The following SLC41A1 variants were observed in gnomAD, a reference collection of about 807,000 sequenced individuals.
SLC41A1 encodes the protein solute carrier family 41 member 1.
SLC41A1 carries 20 observed loss-of-function variants against 47.3 expected under a neutral mutation model. That is an observed-to-expected ratio of 0.42 (90% CI 0.30 to 0.61). SLC41A1 has a LOEUF of 0.61. Ranked by LOEUF, SLC41A1 falls within the 20% of genes least tolerant of loss-of-function variation. The pLI is 0.17. For synonymous variants in SLC41A1, 282 were observed against 272.7 expected (o/e 1.03, Z -0.34); for missense variants, 504 against 674.1 (o/e 0.75, Z 2.79).
At chr1:205,799,523 ACT>A (rs1219268506) in intron 4 of SLC41A1, among the ~76,000 whole-genome samples, 1 of 151,900 alleles carries the variant, frequency 6.6e-6, no homozygotes, top group African/African-American at 2.4e-5. Context: ...ATCTGCTGGG[ACT>A]CAAAGGCACG....
At chr1:205,801,947 G>T (rs1655890350) in intron 2 of SLC41A1, among the ~76,000 whole-genome samples, 1 of 152,224 alleles carries the variant, frequency 6.6e-6, no homozygotes, top group Non-Finnish European at 1.5e-5. Flanking sequence ...CTGGGGTTCA[G>T]ACAGTATTCC....
chr1:205,790,055 A>C lies in SLC41A1; in HGVS notation c.*1478T>G, dbSNP rs1210732483. On this transcript the variant is annotated 3_prime_UTR_variant, in exon 11 of 11. Transcript: ENST00000367137. ...TTGGGTGCTTGGTAAGGAGAGGTGG[A>C]GGGAAGGGAATGTGAGGAAGGGTCG... The C allele has an allele frequency of 6.6e-6, 1 of 152,278 alleles. No individual in the cohort carries two copies. Among genetic ancestry groups the C allele is most frequent in the African/African-American group, 2.4e-5 (1 of 41,428 alleles). The allele number at this position is 152,278 out of a possible 1,614,324, so 9.4% of individuals were successfully genotyped here.
intron 1 of SLC41A1, among the ~76,000 whole-genome samples, chr1:205,812,586 C>T (rs1656183281): frequency 6.6e-6 from 1 of 152,234 alleles, no homozygotes; most frequent in Non-Finnish European, 1.5e-5. Flanking sequence ...AGGCCTAAGG[C>T]CCTGGGACGA....
At chr1:205,804,207 C>T (rs1422538011) in intron 2 of SLC41A1, among the ~76,000 whole-genome samples, 1 of 152,174 alleles carries the variant, frequency 6.6e-6, no homozygotes, top group Admixed American at 6.5e-5. Flanking sequence ...CCAGGAGAGG[C>T]TGGGCGCTGG....
Position 205,813,124 on chromosome 1 carries a change from C to T in SLC41A1, c.-963G>A. On this transcript the variant is annotated 5_prime_UTR_variant, in exon 1 of 11. Transcript: ENST00000367137. ...GGACCGGGGAGCCGAGCTCACGCGC[C>T]CCCAATCGCTTCTTGCCCGCGGACT... 1 of 985,574 alleles carries T rather than the reference C, an allele frequency of 1.0e-6. No individual in the cohort carries two copies. The highest frequency in any genetic ancestry group is 1.2e-6 in the Non-Finnish European group (1 of 830,048). The allele number at this position is 985,574 out of a possible 1,614,324, so 61.1% of individuals were successfully genotyped here.
At chr1:205,798,199 C>A (rs1481932816) in intron 6 of SLC41A1, 148 bp from the exon 7 acceptor site, 4 of 1,273,408 alleles carry the variant, frequency 3.1e-6, no homozygotes, top group Non-Finnish European at 4.5e-6. Context: ...TCTTCACTGG[C>A]AGCTCAGGAG....
Position 205,810,671 on chromosome 1 carries a change from C to A in SLC41A1, c.-230G>T. 4.9e-6 allele frequency: 3 copies of A among 612,884 alleles called. No homozygotes were observed. The highest frequency in any genetic ancestry group is 8.5e-6 in the Non-Finnish European group (3 of 353,412). The allele number at this position is 612,884 out of a possible 1,614,324, so 38.0% of individuals were successfully genotyped here. A position where few individuals can be genotyped will look rare whatever the true frequency, so the allele number is the denominator to read the frequency against. ...CTGGGAAGAAACAAGAAATTCCTCA[C>A]CAGACAGCCACTAGGGGTGCAGATG... is the stretch of plus-strand genomic sequence containing the variant. On this transcript the variant is annotated 5_prime_UTR_variant, in exon 2 of 11. Transcript: ENST00000367137. The surrounding 1 kb of genome is among the most constrained non-coding windows in gnomAD (Gnocchi z 5.5).
At chr1:205,811,303 C>A (rs1656149585) in intron 1 of SLC41A1, among the ~76,000 whole-genome samples, 1 of 152,162 alleles carries the variant, frequency 6.6e-6, no homozygotes, top group African/African-American at 2.4e-5. Flanking sequence ...CCACCAGCAA[C>A]CCTCCTGAGG....
In SLC41A1 at chr1:205,789,620, G is replaced by T. The variant is rs1037534020; in HGVS notation, c.*1913C>A. ...GGAGGAGGAAAAACAAGCCCAGGCT[G>T]GTGTTAATGAATTCTGTTGGACACA... On this transcript the variant is annotated 3_prime_UTR_variant, in exon 11 of 11. Transcript: ENST00000367137. 1 of 152,244 alleles carries T rather than the reference G, an allele frequency of 6.6e-6. No homozygotes were observed. The highest frequency in any genetic ancestry group is 1.5e-5 in the Non-Finnish European group (1 of 68,068). 9.4% of individuals were successfully genotyped at this position (152,244 alleles called of 1,614,324 possible).
At chr1:205,811,236 C>T (rs1656148050) in intron 1 of SLC41A1, 149 bp from the exon 2 acceptor site, 1 of 152,534 alleles carries the variant, frequency 6.6e-6, no homozygotes, top group Non-Finnish European at 1.5e-5. Flanking sequence ...GCAAAAATTA[C>T]TCAGTCCTGC....
Position 205,798,751 on chromosome 1 carries a change from G to T in SLC41A1, c.762C>A (p.Ala254=). ...CGCCCAGGCTGGCAGCAATGGGTGT[G>T]GCCACGTTGTCTGGGTTGATCCCAA... The part of the protein sequence containing the change: ...RKIGINPDNV[A]TPIAASLGDL... The change falls in exon 6 of 11, where the codon GCC becomes GCA. Residue 254 remains alanine, a synonymous_variant. Coordinates refer to ENST00000367137, the MANE Select transcript of SLC41A1 (RefSeq NM_173854.6). The T allele has an allele frequency of 6.2e-7, 1 of 1,614,110 alleles. No homozygotes were observed. The highest frequency in any genetic ancestry group is 8.5e-7 in the Non-Finnish European group (1 of 1,180,024).
At chr1:205,801,107 G>A (rs369752233) in intron 2 of SLC41A1, 47 bp from the exon 3 acceptor site, 26 of 1,502,374 alleles carry the variant, frequency 1.7e-5, no homozygotes, top group Middle Eastern at 1.7e-4. Flanking sequence ...CCCAAAGGGC[G>A]GGCATTGAGG....
chr1:205,806,409 A>G (rs993339990), intron 2 of SLC41A1, among the ~76,000 whole-genome samples: 4 of 152,182 alleles, frequency 2.6e-5, no homozygotes, highest in African/African-American at 9.7e-5. Context: ...TTTGTTCAAG[A>G]TCCTTAGCAG....
intron 2 of SLC41A1, among the ~76,000 whole-genome samples, chr1:205,808,121 A>AT (rs1185997060): frequency 4.6e-5 from 7 of 152,072 alleles, no homozygotes; most frequent in Non-Finnish European, 7.4e-5. Context: ...TGCCCAGCTA[A>AT]TTTTTTGTAT....
Position 205,798,752 on chromosome 1 carries a change from G to A in SLC41A1, c.761C>T (p.Ala254Val). The change falls in exon 6 of 11, where the codon GCC (alanine) becomes GTC (valine). Residue 254 changes from alanine to valine, a missense_variant. Ala to Val is a moderately conservative substitution (Grantham distance 64). Around this residue, in one of 2 missense-constraint regions of SLC41A1, gnomAD observed 421 missense variants for 601.6 expected, o/e 0.70. Coordinates refer to ENST00000367137, the MANE Select transcript of SLC41A1 (RefSeq NM_173854.6). ...RKIGINPDNV[A>V]TPIAASLGDL... Reference sequence around the variant, plus strand: ...GCCCAGGCTGGCAGCAATGGGTGTGGCCACGTTGTCTGGGTTGATCCCAAT... The same window carrying A: ...GCCCAGGCTGGCAGCAATGGGTGTGACCACGTTGTCTGGGTTGATCCCAAT... The A allele has an allele frequency of 6.2e-7, 1 of 1,614,086 alleles. No individual in the cohort carries two copies. Among genetic ancestry groups the A allele is most frequent in the Middle Eastern group, 1.6e-4 (1 of 6,062 alleles).
rs1416054185 is a variant in SLC41A1, at chr1:205,810,527, C to A, written c.-86G>T. 2.2e-5 allele frequency: 36 copies of A among 1,606,948 alleles called. No homozygotes were observed. The South Asian group carries it at 2.3e-4, about 10-fold the overall frequency. On this transcript the variant is annotated 5_prime_UTR_variant, in exon 2 of 11. Transcript: ENST00000367137. The surrounding 1 kb of genome is among the most constrained non-coding windows in gnomAD (Gnocchi z 5.5). ...TCTCTAACTTGGGAAAGAACTTAGT[C>A]TTGGGGTGAACCCAGGCTTGGGCGC...
chr1:205,792,647 ATC>A (rs1043757544), intron 10 of SLC41A1, among the ~76,000 whole-genome samples: 2 of 152,272 alleles, frequency 1.3e-5, no homozygotes, highest in African/African-American at 4.8e-5. Flanking sequence ...GATGCCCTTG[ATC>A]TAGAATACCA....
chr1:205,806,515 G>A (rs964001606), intron 2 of SLC41A1, among the ~76,000 whole-genome samples: 1 of 152,150 alleles, frequency 6.6e-6, no homozygotes, highest in African/African-American at 2.4e-5. Flanking sequence ...CCCTCACAAA[G>A]GCTGACAGAT....
intron 8 of SLC41A1, 131 bp from the exon 9 acceptor site, chr1:205,795,609 G>T: frequency 8.6e-7 from 1 of 1,163,118 alleles, no homozygotes; most frequent in Non-Finnish European, 1.3e-6. Flanking sequence ...GTCTATGTGG[G>T]CATCACCCAT....
Sources: gnomAD v4.1 joint callset for allele counts (sites outside exome capture counted in the v4.1 genomes callset) on GRCh38, gnomAD v4.1.1 for gene constraint, gnomAD v4.1.1 regional missense constraint, Gnocchi (gnomAD v3.1) non-coding constraint, MANE v1.5 for transcripts, NCBI Gene and HGNC (gene_info 2026-07-23, HGNC 2026-07-21) for gene names.